Variants in PRKN observed in about 807,000 individuals in gnomAD.
The protein encoded by PRKN is parkin RBR E3 ubiquitin protein ligase, also known as E3 ubiquitin-protein ligase parkin.
A neutral mutation model predicts 59.5 loss-of-function variants in PRKN; 56 were observed. That is an observed-to-expected ratio of 0.94 (90% CI 0.76 to 1.18). The LOEUF (loss-of-function observed/expected upper bound fraction) is 1.18. Among genes scored for constraint, PRKN ranks in the 50% most tolerant of loss-of-function variants. The probability of loss-of-function intolerance (pLI) is 0.00; values close to 1 mark genes in which losing one functional copy is unlikely to be tolerated. For missense variants in PRKN, 657 were observed against 596.4 expected (o/e 1.10, Z -1.06); for synonymous variants, 250 against 222.1 (o/e 1.13, Z -1.12).
chr6:162,273,565 AT>A (rs1372273900), intron 2 of PRKN, among the ~76,000 whole-genome samples: 6 of 152,202 alleles, frequency 3.9e-5, no homozygotes, highest in Non-Finnish European at 8.8e-5. Context: ...TTCAGAAACT[AT>A]TTGTATTTAT....
chr6:161,531,805 C>T (rs1181140854), intron 9 of PRKN, among the ~76,000 whole-genome samples: 1 of 151,986 alleles, frequency 6.6e-6, no homozygotes, highest in Admixed American at 6.5e-5. Flanking sequence ...GGATTACCTG[C>T]GTCTATTATC....
chr6:161,878,201 G>A (rs945374846), intron 6 of PRKN, among the ~76,000 whole-genome samples: 1 of 152,070 alleles, frequency 6.6e-6, no homozygotes, highest in Non-Finnish European at 1.5e-5. Flanking sequence ...TGCTCCAGTC[G>A]GCTCGATGTC....
chr6:162,271,829 A>G (rs1463029037), intron 2 of PRKN, among the ~76,000 whole-genome samples: 1 of 152,158 alleles, frequency 6.6e-6, no homozygotes, highest in East Asian at 1.9e-4. Context: ...AAAAAGGGGG[A>G]CTTCTAAAAG....
chr6:161,984,743 A>T (rs781286349), intron 5 of PRKN, among the ~76,000 whole-genome samples: 1 of 152,246 alleles, frequency 6.6e-6, no homozygotes, highest in South Asian at 2.1e-4. Flanking sequence ...TGCTTCCACT[A>T]TGTTTGTTGC....
intron 1 of PRKN, among the ~76,000 whole-genome samples, chr6:162,638,356 C>T (rs530339186): frequency 7.9e-5 from 12 of 152,178 alleles, no homozygotes; most frequent in Admixed American, 3.9e-4. Context: ...GTAAAGGAGC[C>T]GGTTTGAAAG....
At chr6:161,603,758 C>T (rs1183668453) in intron 7 of PRKN, among the ~76,000 whole-genome samples, 1 of 152,162 alleles carries the variant, frequency 6.6e-6, no homozygotes, top group Non-Finnish European at 1.5e-5. Context: ...AAAATTATTT[C>T]CATAAGCTCT....
At chr6:162,705,549 AG>A (rs1371188370) in intron 1 of PRKN, among the ~76,000 whole-genome samples, 1 of 152,182 alleles carries the variant, frequency 6.6e-6, no homozygotes, top group Non-Finnish European at 1.5e-5. Flanking sequence ...TGAGATTTGG[AG>A]GACAGCCATC....
At chr6:161,968,082 G>A (rs928127019) in intron 6 of PRKN, among the ~76,000 whole-genome samples, 1 of 151,884 alleles carries the variant, frequency 6.6e-6, no homozygotes, top group Non-Finnish European at 1.5e-5. Context: ...GTGCAGTGGT[G>A]TGATCACGCC....
intron 4 of PRKN, among the ~76,000 whole-genome samples, chr6:162,131,756 A>G (rs1433447499): frequency 6.6e-6 from 1 of 152,224 alleles, no homozygotes; most frequent in East Asian, 1.9e-4. Flanking sequence ...ACAAAAATGT[A>G]AGATTTTTTG....
At chr6:162,135,049 A>G (rs917930905) in intron 4 of PRKN, among the ~76,000 whole-genome samples, 2 of 152,204 alleles carry the variant, frequency 1.3e-5, no homozygotes, top group Admixed American at 6.5e-5. Context: ...CTGATGGCAT[A>G]TCAGTAGCAT....
chr6:161,849,773 A>G (rs1350661532), intron 6 of PRKN, among the ~76,000 whole-genome samples: 2 of 152,192 alleles, frequency 1.3e-5, no homozygotes, highest in Non-Finnish European at 1.5e-5. Flanking sequence ...ATAGGAAAAA[A>G]CGGAGAGCAA....
At chr6:161,627,900 G>C (rs1783150169) in intron 7 of PRKN, among the ~76,000 whole-genome samples, 1 of 152,174 alleles carries the variant, frequency 6.6e-6, no homozygotes, top group African/African-American at 2.4e-5. Flanking sequence ...GGTTTATGAT[G>C]CCCTAAAATG....
intron 3 of PRKN, among the ~76,000 whole-genome samples, chr6:162,222,749 T>G (rs1296464184): frequency 6.6e-6 from 1 of 152,086 alleles, no homozygotes; most frequent in Non-Finnish European, 1.5e-5. Context: ...ATGGGTGTCG[T>G]TTAAAGCCAC....
At chr6:162,298,744 C>T (rs1273975020) in intron 2 of PRKN, among the ~76,000 whole-genome samples, 1 of 151,764 alleles carries the variant, frequency 6.6e-6, no homozygotes, top group Non-Finnish European at 1.5e-5. Flanking sequence ...GAAAAACTGC[C>T]GAGGTGCAAG....
rs1281892394 is a variant in PRKN, at chr6:162,434,790, A to G, written c.171+8520T>C. ...AAGGAGCACACATACTCCCATATGT[A>G]TTCATCATAAGTGAGTTTGGTATAT... On this transcript the variant is annotated intron_variant, in intron 2 of 11. Transcript: ENST00000366898. Among the ~76,000 whole-genome samples, 4 of 152,312 alleles carry G rather than the reference A, an allele frequency of 2.6e-5. No homozygotes were observed. In the East Asian group the frequency reaches 7.7e-4, roughly 29 times the overall value.
chr6:161,540,082 C>T (rs1159021113), intron 9 of PRKN, among the ~76,000 whole-genome samples: 1 of 152,156 alleles, frequency 6.6e-6, no homozygotes, highest in East Asian at 1.9e-4. Flanking sequence ...GGTGGGGGGC[C>T]GCCAGGTCTG....
intron 4 of PRKN, among the ~76,000 whole-genome samples, chr6:162,140,913 C>G (rs530210055): frequency 6.6e-6 from 1 of 152,168 alleles, no homozygotes; most frequent in African/African-American, 2.4e-5. Flanking sequence ...CAGATCACAA[C>G]ATCAGGAGAT....
chr6:161,952,911 G>C (rs1780040972), intron 6 of PRKN, among the ~76,000 whole-genome samples: 1 of 152,150 alleles, frequency 6.6e-6, no homozygotes, highest in Admixed American at 6.5e-5. Flanking sequence ...AACAATGAAA[G>C]GGTAAAAGTA....
intron 9 of PRKN, among the ~76,000 whole-genome samples, chr6:161,537,575 C>A (rs897754624): frequency 6.6e-6 from 1 of 151,966 alleles, no homozygotes; most frequent in African/African-American, 2.4e-5. Flanking sequence ...CCTCAGCCTC[C>A]GGAGTAGCTG....
Sources: gnomAD v4.1 joint callset for allele counts (sites outside exome capture counted in the v4.1 genomes callset) on GRCh38, gnomAD v4.1.1 for gene constraint, MANE v1.5 for transcripts, NCBI Gene and HGNC (gene_info 2026-07-23, HGNC 2026-07-21) for gene names.